DLC1: variants seen among roughly 807,000 people sequenced by gnomAD.
The protein encoded by DLC1 is rho GTPase-activating protein 7.
In DLC1, 54 loss-of-function variants were observed where a neutral mutation model predicts 140.3. The ratio of observed to expected loss-of-function variants is 0.38; its 90% CI spans 0.31 to 0.48. The LOEUF (loss-of-function observed/expected upper bound fraction) is 0.48, where lower values mean the gene tolerates loss of function less well. Among genes scored for constraint, DLC1 ranks in the 20% least tolerant of loss-of-function variants. The pLI, the probability that DLC1 is intolerant of heterozygous loss-of-function variation, is 0.96. For synonymous variants in DLC1, 986 were observed against 728.1 expected (o/e 1.35, Z -5.70); for missense variants, 2,536 against 1,907.0 (o/e 1.33, Z -6.14).
chr8:13,307,131 G>A (rs1832474587), intron 4 of DLC1, among the ~76,000 whole-genome samples: 1 of 147,952 alleles, frequency 6.8e-6, no homozygotes, highest in Admixed American at 6.7e-5. Context: ...GAGTTACTTT[G>A]GCAAGATTAA....
intron 4 of DLC1, among the ~76,000 whole-genome samples, chr8:13,358,374 G>A (rs959770486): frequency 3.9e-5 from 6 of 152,060 alleles, no homozygotes; most frequent in African/African-American, 1.2e-4. Flanking sequence ...GACTGCCAAG[G>A]GTATATGCTC....
At chr8:13,405,555 A>G (rs1837488906) in intron 2 of DLC1, among the ~76,000 whole-genome samples, 2 of 152,164 alleles carry the variant, frequency 1.3e-5, no homozygotes, top group South Asian at 2.1e-4. Flanking sequence ...TAAAGTCGAG[A>G]CTAGAGCCTG....
rs140991341 is a variant in DLC1 at position 13,226,729 on chromosome 8, T to C, written c.1348+78540A>G. On this transcript the variant is annotated intron_variant, in intron 5 of 17. Coordinates refer to ENST00000276297, the MANE Select transcript of DLC1 (RefSeq NM_182643.3). The stretch of plus-strand genomic sequence containing the variant: ...TTGTTTCAGAAAACATCTTTCTCTG[T>C]ATAGGAATTAGAGGCTACCCTGACT... 7.0e-3 allele frequency among the ~76,000 whole-genome samples: 1,060 copies of C among 152,294 alleles called. 9 individuals carry two copies. The highest frequency in any genetic ancestry group is 0.012 in the Non-Finnish European group (802 of 68,028).
In DLC1 at chr8:13,499,795, C is replaced by G. The variant is rs760788209; in HGVS notation, c.277G>C (p.Gly93Arg). 6.2e-7 allele frequency: 1 copy of G among 1,614,046 alleles called. No homozygotes were observed. The highest frequency in any genetic ancestry group is 8.5e-7 in the Non-Finnish European group (1 of 1,180,004). The change falls in exon 2 of 18, where the codon GGT (glycine) becomes CGT (arginine). Residue 93 changes from glycine to arginine, a missense_variant. By Grantham distance (125) the Gly-to-Arg change is moderately radical. Coordinates refer to ENST00000276297, the MANE Select transcript of DLC1 (RefSeq NM_182643.3). ...TCCAGAGAAAGAAACTGATCTTCAC[C>G]TTCATGGCTGTCATTTTCGTCCACA... ...KDVDENDSHE[G>R]EDQFLSLEAS...
intron 1 of DLC1, among the ~76,000 whole-genome samples, chr8:13,524,144 A>G (rs1802846844): frequency 7.3e-6 from 1 of 137,694 alleles, no homozygotes; most frequent in Non-Finnish European, 1.5e-5. Flanking sequence ...TATTATTATT[A>G]TTATTATTAT....
intron 3 of DLC1, among the ~76,000 whole-genome samples, chr8:13,399,932 G>A (rs1412641269): frequency 6.6e-6 from 1 of 152,056 alleles, no homozygotes; most frequent in Non-Finnish European, 1.5e-5. Context: ...TATGAGGATG[G>A]GGCAGAGGCA....
chr8:13,207,254 G>T lies in DLC1; in HGVS notation c.1349-91597C>A, dbSNP rs562276762. On this transcript the variant is annotated intron_variant, in intron 5 of 17. Coordinates refer to ENST00000276297, the MANE Select transcript of DLC1 (RefSeq NM_182643.3). ...TTCAAAATATAAAAATGCAATTTCCGATTTGTTTTCAAGACATCAAGGCAT... is the reference window on the plus strand; with the variant it reads ...TTCAAAATATAAAAATGCAATTTCCTATTTGTTTTCAAGACATCAAGGCAT... Among the ~76,000 whole-genome samples the T allele has an allele frequency of 1.4e-4, 22 of 152,132 alleles. No homozygotes were observed. In the South Asian group the frequency reaches 4.6e-3, roughly 32 times the overall value.
chr8:13,541,690 C>CA (rs1158010736), intron 1 of DLC1, among the ~76,000 whole-genome samples: 1 of 151,910 alleles, frequency 6.6e-6, no homozygotes, highest in Non-Finnish European at 1.5e-5. Flanking sequence ...GCTGGGACTA[C>CA]AGGCGCCTGC....
intron 5 of DLC1, chr8:13,214,881 A>T: frequency 1.4e-6 from 1 of 699,508 alleles, no homozygotes; most frequent in Non-Finnish European, 2.6e-6. Context: ...GGGCTTTTGT[A>T]AGCGCCTTGC....
chr8:13,434,746 G>A (rs373695253), intron 2 of DLC1, among the ~76,000 whole-genome samples: 8 of 151,956 alleles, frequency 5.3e-5, no homozygotes, highest in African/African-American at 1.7e-4. Context: ...TTGCAGTCTC[G>A]TGGCTTACTG....
At chr8:13,342,131 G>A (rs946453257) in intron 4 of DLC1, 1 of 152,166 alleles carries the variant, frequency 6.6e-6, no homozygotes, top group Non-Finnish European at 1.5e-5. Flanking sequence ...CATGACCAAT[G>A]AGGTATCATG....
intron 2 of DLC1, among the ~76,000 whole-genome samples, chr8:13,472,099 T>C (rs1800234313): frequency 6.6e-6 from 1 of 152,242 alleles, no homozygotes; most frequent in Admixed American, 6.5e-5. Flanking sequence ...TTCTGCTACA[T>C]GAGGCAGTTC....
intron 2 of DLC1, among the ~76,000 whole-genome samples, chr8:13,454,337 A>G (rs117781815): frequency 0.024 from 3,585 of 151,452 alleles, 62 homozygotes; most frequent in Middle Eastern, 0.041. Context: ...CTCTTAGGGG[A>G]AAAAAAAAGT....
intron 5 of DLC1, among the ~76,000 whole-genome samples, chr8:13,160,547 C>T (rs527882459): frequency 1.3e-5 from 2 of 152,284 alleles, no homozygotes; most frequent in Admixed American, 6.5e-5. Context: ...CTCCATAAGG[C>T]GAGCAAGGGC....
At chr8:13,453,262 C>T (rs1316525748) in intron 2 of DLC1, among the ~76,000 whole-genome samples, 2 of 147,066 alleles carry the variant, frequency 1.4e-5, no homozygotes, top group East Asian at 2.0e-4. Context: ...ACTAAAGATT[C>T]ATTTTATCAA....
intron 1 of DLC1, among the ~76,000 whole-genome samples, chr8:13,589,155 T>A (rs1805430083): frequency 6.6e-6 from 1 of 152,136 alleles, no homozygotes; most frequent in African/African-American, 2.4e-5. Flanking sequence ...AGGCTATCCT[T>A]CATCTGTCCA....
intron 1 of DLC1, among the ~76,000 whole-genome samples, chr8:13,595,844 A>G (rs570923344): frequency 9.9e-5 from 15 of 152,164 alleles, no homozygotes; most frequent in Middle Eastern, 3.4e-3. Flanking sequence ...TTATCAACCT[A>G]AATAAAATGT....
intron 4 of DLC1, among the ~76,000 whole-genome samples, chr8:13,375,613 T>A (rs55983859): frequency 0.14 from 20,635 of 152,204 alleles, 1,550 homozygotes; most frequent in Non-Finnish European, 0.17. Flanking sequence ...GCTTCCAGTT[T>A]TTGCCCATTC....
chr8:13,439,383 T>A (rs1434139355), intron 2 of DLC1, among the ~76,000 whole-genome samples: 1 of 152,066 alleles, frequency 6.6e-6, no homozygotes, highest in East Asian at 1.9e-4. Flanking sequence ...CAGGCAGTAG[T>A]TTACTGACCT....
Sources: allele counts gnomAD v4.1 joint callset (sites outside exome capture counted in the v4.1 genomes callset), GRCh38; gene constraint gnomAD v4.1.1; transcripts MANE v1.5; gene names NCBI Gene and HGNC (gene_info 2026-07-23, HGNC 2026-07-21).